The following LMLN variants were observed in gnomAD, a reference collection of about 807,000 sequenced individuals.
LMLN encodes the protein leishmanolysin-like peptidase.
LMLN carries 70 observed loss-of-function variants against 92.3 expected under a neutral mutation model. That is an observed-to-expected ratio of 0.76 (90% CI 0.63 to 0.92). The LOEUF is 0.92. Ranked by LOEUF, LMLN falls within the 40% of genes least tolerant of loss-of-function variation. The pLI is 0.00. For synonymous variants in LMLN, 308 were observed against 296.2 expected, an observed-to-expected ratio of 1.04 and a Z score of -0.41; for missense variants, 691 against 814.6, an observed-to-expected ratio of 0.85 and a Z score of 1.85.
At chr3:198,035,962 C>A in exon 15 of LMLN, 1 of 1,614,046 alleles carries the variant, frequency 6.2e-7, no homozygotes, top group Non-Finnish European at 8.5e-7. Context: ...CCTGCTCTGC[C>A]CATCATGTTG....
chr3:197,969,217 G>A (rs1721155693), intron 1 of LMLN, among the ~76,000 whole-genome samples: 1 of 151,860 alleles, frequency 6.6e-6, no homozygotes, highest in South Asian at 2.1e-4. Flanking sequence ...AAAGTGCTGG[G>A]ATTATAGGTA....
Position 197,985,875 on chromosome 3 carries a change from C to A in LMLN, c.914C>A (p.Pro305Gln). ...ACTTCAAGATTTGCAGATGGCCTCC[C>A]ACCTTTTAATTATAGGTATTTTTGT... Residue 305 changes from proline (P) to glutamine (Q), a missense_variant, in exon 8 of 16, where the codon CCA becomes CAA. Coordinates refer to ENST00000330198, the Ensembl canonical transcript of LMLN. 1.9e-6 allele frequency: 3 copies of A among 1,606,746 alleles called. No homozygotes were observed. The South Asian group carries it at 3.3e-5, about 18-fold the overall frequency.
At chr3:198,028,796 A>C (rs1723002315) in intron 14 of LMLN, among the ~76,000 whole-genome samples, 1 of 152,258 alleles carries the variant, frequency 6.6e-6, no homozygotes, top group African/African-American at 2.4e-5. Flanking sequence ...GGAGGGAAGT[A>C]ATATTACCAG....
chr3:197,977,522 C>T (rs930382566), intron 5 of LMLN, among the ~76,000 whole-genome samples: 13 of 151,734 alleles, frequency 8.6e-5, no homozygotes, highest in African/African-American at 3.2e-4. Flanking sequence ...TGGAAGTATA[C>T]ACACGTTAAA....
intron 11 of LMLN, among the ~76,000 whole-genome samples, chr3:198,003,380 C>T (rs1377830560): frequency 6.6e-6 from 1 of 152,126 alleles, no homozygotes; most frequent in African/African-American, 2.4e-5. Flanking sequence ...TATTAGAACT[C>T]ATAAATATAT....
intron 6 of LMLN, 55 bp from the exon 7 acceptor site, chr3:197,983,888 G>T: frequency 5.0e-6 from 6 of 1,190,334 alleles, no homozygotes; most frequent in Non-Finnish European, 7.5e-6. Context: ...AGAAGTAAAT[G>T]TTAATAAATA....
chr3:197,996,425 C>G, intron 10 of LMLN, 143 bp downstream of exon 10: 1 of 489,282 alleles, frequency 2.0e-6, no homozygotes, highest in Non-Finnish European at 3.6e-6. Flanking sequence ...TTTCCAGATA[C>G]AGTCACTCCT....
At chr3:198,026,996 G>C (rs1026153570) in intron 14 of LMLN, among the ~76,000 whole-genome samples, 5 of 152,176 alleles carry the variant, frequency 3.3e-5, no homozygotes, top group African/African-American at 1.2e-4. Context: ...GCGTGTGTGT[G>C]TGTGTAAGTA....
At chr3:198,029,566 A>G (rs1723022481) in intron 14 of LMLN, among the ~76,000 whole-genome samples, 2 of 152,074 alleles carry the variant, frequency 1.3e-5, no homozygotes, top group Admixed American at 1.3e-4. Context: ...CCAGATATTC[A>G]GGTGGCTGAG....
chr3:197,975,523 G>C (rs537285247), intron 3 of LMLN, among the ~76,000 whole-genome samples: 1 of 151,012 alleles, frequency 6.6e-6, no homozygotes, highest in Non-Finnish European at 1.5e-5. Flanking sequence ...ACACACATGC[G>C]CACATGCACG....
exon 6 of LMLN, chr3:197,980,459 T>C: frequency 6.2e-7 from 1 of 1,614,096 alleles, no homozygotes; most frequent in Non-Finnish European, 8.5e-7. Flanking sequence ...CATGAAAACA[T>C]CATCTCTTAT....
intron 7 of LMLN, 84 bp from the exon 8 acceptor site, chr3:197,985,712 A>G (rs1473429404): frequency 1.3e-5 from 11 of 825,354 alleles, no homozygotes; most frequent in Admixed American, 8.0e-5. Flanking sequence ...CGTTCCCGTT[A>G]GTATCAGTGC....
chr3:197,960,716 G>A (rs963915125), intron 1 of LMLN, among the ~76,000 whole-genome samples: 3 of 152,130 alleles, frequency 2.0e-5, no homozygotes, highest in Admixed American at 6.5e-5. Context: ...ACAGTCACCC[G>A]ACGCACATGG....
intron 9 of LMLN, among the ~76,000 whole-genome samples, chr3:197,995,443 G>A (rs1468490862): frequency 6.6e-6 from 1 of 152,112 alleles, no homozygotes; most frequent in Admixed American, 6.6e-5. Flanking sequence ...TCATTTGTAA[G>A]AACATGGGTG....
At chr3:198,007,988 C>A (rs542717815) in intron 11 of LMLN, among the ~76,000 whole-genome samples, 1 of 152,270 alleles carries the variant, frequency 6.6e-6, no homozygotes, top group South Asian at 2.1e-4. Flanking sequence ...AGTTGCTATG[C>A]ATAATCAAGT....
At chr3:197,976,955 A>T (rs1402998671) in intron 5 of LMLN, among the ~76,000 whole-genome samples, 1 of 152,228 alleles carries the variant, frequency 6.6e-6, no homozygotes, top group Non-Finnish European at 1.5e-5. Context: ...CTGCTGAATC[A>T]CTTTAGCTTA....
chr3:197,994,429 T>TA (rs1295763133), intron 9 of LMLN, among the ~76,000 whole-genome samples: 3 of 152,002 alleles, frequency 2.0e-5, no homozygotes, highest in East Asian at 1.9e-4. Context: ...ACAGCCCATT[T>TA]AAAAAAATGG....
chr3:197,969,930 G>T (rs571988314), intron 1 of LMLN, among the ~76,000 whole-genome samples: 4 of 152,152 alleles, frequency 2.6e-5, no homozygotes, highest in Non-Finnish European at 5.9e-5. Context: ...GATCACCTGA[G>T]GTCAGGAATT....
chr3:197,964,048 C>T (rs1720979482), intron 1 of LMLN, among the ~76,000 whole-genome samples: 1 of 152,176 alleles, frequency 6.6e-6, no homozygotes, highest in Non-Finnish European at 1.5e-5. Context: ...TATAGTTTCT[C>T]ACTTTATGAA....
Sources: gnomAD v4.1 joint callset for allele counts (sites outside exome capture counted in the v4.1 genomes callset) on GRCh38, gnomAD v4.1.1 for gene constraint, MANE v1.5 for transcripts, NCBI Gene and HGNC (gene_info 2026-07-23, HGNC 2026-07-21) for gene names.